The following ZNF160 variants were observed in gnomAD, a reference collection of about 807,000 sequenced individuals.
ZNF160 encodes KRAB zinc finger protein KR18.
A neutral mutation model predicts 13.1 loss-of-function variants in ZNF160; 9 were observed. The ratio of observed to expected loss-of-function variants is 0.69; its 90% CI spans 0.41 to 1.20. ZNF160 has a LOEUF of 1.20. Ranked by LOEUF, ZNF160 falls within the 50% of genes most tolerant of loss-of-function variation. The probability of loss-of-function intolerance (pLI) is 0.01; values close to 1 mark genes in which losing one functional copy is unlikely to be tolerated. For missense variants in ZNF160, 838 were observed against 988.0 expected, an observed-to-expected ratio of 0.85 and a Z score of 2.04; for synonymous variants, 293 against 333.2, an observed-to-expected ratio of 0.88 and a Z score of 1.31.
chr19:53,076,456 A>G (rs2084393939), intron 3 of ZNF160, among the ~76,000 whole-genome samples: 1 of 152,204 alleles, frequency 6.6e-6, no homozygotes, highest in Non-Finnish European at 1.5e-5. Flanking sequence ...CCTGGCCAAC[A>G]TGGTGAAACC....
Position 53,067,535 on chromosome 19 carries a change from C to T in ZNF160, c.*542G>A, listed in dbSNP as rs373494719. ...TCCCAATGATCTTTCCAAGAAAGCA[C>T]CATGGAAGGTGTGTAAGGATGCACA... On this transcript the variant is annotated 3_prime_UTR_variant, in exon 6 of 6. Transcript: ENST00000683776. 2 of 152,436 alleles carry T rather than the reference C, an allele frequency of 1.3e-5. No individual in the cohort carries two copies. The highest frequency in any genetic ancestry group is 3.9e-4 in the East Asian group (2 of 5,190). The allele number at this position is 152,436 out of a possible 1,614,324, so 9.4% of individuals were successfully genotyped here.
intron 3 of ZNF160, chr19:53,075,646 T>A (rs1600828045): frequency 2.1e-6 from 1 of 481,110 alleles, no homozygotes; most frequent in Non-Finnish European, 4.2e-6. Context: ...AGAGAATACA[T>A]CCCAGCTCCT....
chr19:53,089,524 G>C (rs1324499216), intron 2 of ZNF160, among the ~76,000 whole-genome samples: 1 of 151,958 alleles, frequency 6.6e-6, no homozygotes, highest in Non-Finnish European at 1.5e-5. Context: ...AAATGAATGA[G>C]TCAAGTCACT....
At chr19:53,102,133 A>T (rs576588380) in intron 1 of ZNF160, among the ~76,000 whole-genome samples, 2 of 150,416 alleles carry the variant, frequency 1.3e-5, no homozygotes, top group South Asian at 2.1e-4. Flanking sequence ...TTTTCCCCTT[A>T]TATCTGTTCT....
intron 3 of ZNF160, among the ~76,000 whole-genome samples, chr19:53,079,953 G>A (rs941126243): frequency 5.3e-5 from 8 of 151,922 alleles, no homozygotes; most frequent in East Asian, 1.9e-4. Flanking sequence ...AACAACAAAC[G>A]AAAAGGAAAA....
intron 1 of ZNF160, among the ~76,000 whole-genome samples, chr19:53,101,906 TATAA>T (rs10607618): frequency 0.12 from 17,929 of 152,202 alleles, 1,094 homozygotes; most frequent in East Asian, 0.13. Context: ...TGTAACACAT[TATAA>T]ATAGAGAAAT....
chr19:53,080,166 T>G (rs2084574051), intron 3 of ZNF160, among the ~76,000 whole-genome samples: 1 of 151,566 alleles, frequency 6.6e-6, no homozygotes, highest in African/African-American at 2.4e-5. Flanking sequence ...GAGTGCGATC[T>G]TGGCTCACCA....
intron 3 of ZNF160, among the ~76,000 whole-genome samples, chr19:53,077,577 G>GA (rs2084442142): frequency 1.3e-5 from 2 of 150,152 alleles, no homozygotes; most frequent in African/African-American, 4.9e-5. Context: ...GGCTGAGACA[G>GA]AGAATCGCTT....
intron 1 of ZNF160, among the ~76,000 whole-genome samples, chr19:53,095,173 CCCCACTG>C (rs1357892766): frequency 1.4e-5 from 2 of 137,982 alleles, no homozygotes; most frequent in Admixed American, 1.5e-4. Context: ...CCCGCCCCCT[CCCCACTG>C]CCCAGGCCCC....
intron 4 of ZNF160, among the ~76,000 whole-genome samples, chr19:53,074,635 A>C (rs1166195597): frequency 2.1e-5 from 3 of 141,856 alleles, no homozygotes; most frequent in African/African-American, 7.9e-5. Flanking sequence ...ACGCCACTGC[A>C]CTCCAGCCCG....
intron 1 of ZNF160, among the ~76,000 whole-genome samples, chr19:53,102,854 G>A (rs1056028161): frequency 9.9e-5 from 15 of 152,126 alleles, no homozygotes; most frequent in African/African-American, 3.4e-4. Context: ...GAGGGCTCAA[G>A]GGAAGCGGTG....
chr19:53,073,953 T>A (rs2084280996), intron 5 of ZNF160, among the ~76,000 whole-genome samples, 187 bp downstream of exon 5: 1 of 151,348 alleles, frequency 6.6e-6, no homozygotes. Flanking sequence ...GCCCGGCTAA[T>A]TTTTTTTTGT....
chr19:53,102,533 C>A (rs779249124), intron 1 of ZNF160, among the ~76,000 whole-genome samples: 15 of 152,222 alleles, frequency 9.9e-5, no homozygotes, highest in Non-Finnish European at 2.1e-4. Flanking sequence ...CTCTACATTT[C>A]GCCAATTGCT....
chr19:53,085,889 C>T lies in ZNF160; in HGVS notation c.15+373G>A, dbSNP rs146458527. The T allele has an allele frequency of 9.3e-3, 6,313 of 682,290 alleles. 46 individuals are homozygous for T. Among genetic ancestry groups the T allele is most frequent in the Non-Finnish European group, 0.011 (4,613 of 402,840 alleles). 42.3% of individuals were successfully genotyped at this position (682,290 alleles called of 1,614,324 possible). A position where few individuals can be genotyped will look rare whatever the true frequency, so the allele number is the denominator to read the frequency against. ...TCTTTTCTATGCCAGTGAGCAGGTA[C>T]GTGTGCACCTGACTTCATGGGCAGC... On this transcript the variant is annotated intron_variant, in intron 3 of 5. Transcript: ENST00000683776.
intron 1 of ZNF160, among the ~76,000 whole-genome samples, chr19:53,097,628 A>G (rs1156500872): frequency 6.6e-6 from 1 of 152,212 alleles, no homozygotes; most frequent in African/African-American, 2.4e-5. Context: ...AAACCTACCA[A>G]TAAAACAGAG....
chr19:53,069,848 G>A lies in ZNF160; in HGVS notation c.686C>T (p.Thr229Ile), dbSNP rs1163268625. The A allele has an allele frequency of 1.9e-6, 3 of 1,614,098 alleles. No individual in the cohort carries two copies. The South Asian group carries it at 3.3e-5, about 18-fold the overall frequency. ...TTCATGATATTTTTTAGACCTGTGG[G>A]TTTGGACACTAGAAGGAATTTGTTG... ...PLQQIPSSVQ[T>I]HRSKKYHELN... Residue 229 changes from threonine to isoleucine, a missense_variant, in exon 6 of 6, where the codon ACC becomes ATC. Coordinates refer to ENST00000683776, the MANE Select transcript of ZNF160 (RefSeq NM_001322131.2). The surrounding 1 kb of genome is among the most constrained non-coding windows in gnomAD (Gnocchi z 4.4).
chr19:53,094,403 A>T (rs1458588805), intron 1 of ZNF160, among the ~76,000 whole-genome samples: 1 of 152,134 alleles, frequency 6.6e-6, no homozygotes, highest in Non-Finnish European at 1.5e-5. Context: ...TTCATCCTCT[A>T]AACAGACAAA....
intron 3 of ZNF160, among the ~76,000 whole-genome samples, chr19:53,079,159 A>T (rs77384154): frequency 0.037 from 5,640 of 152,276 alleles, 188 homozygotes; most frequent in Middle Eastern, 0.14. Flanking sequence ...AGTCAATGTA[A>T]TACACCACAC....
chr19:53,082,242 G>GT (rs1376019495), intron 3 of ZNF160, among the ~76,000 whole-genome samples: 1 of 152,136 alleles, frequency 6.6e-6, no homozygotes. Flanking sequence ...GAAACCTCAC[G>GT]TGTACCCCCT....
Sources: gnomAD v4.1 joint callset for allele counts (sites outside exome capture counted in the v4.1 genomes callset) on GRCh38, gnomAD v4.1.1 for gene constraint, Gnocchi (gnomAD v3.1) non-coding constraint, MANE v1.5 for transcripts, NCBI Gene and HGNC (gene_info 2026-07-23, HGNC 2026-07-21) for gene names.